Variants in ABCA10 observed in about 807,000 individuals in gnomAD.
ABCA10 encodes ATP binding cassette subfamily A member 10.
Under a neutral mutation model 187.5 loss-of-function variants are expected in ABCA10, and 169 were observed. That is an observed-to-expected ratio of 0.90 (90% CI 0.80 to 1.02). ABCA10 has a LOEUF of 1.02. Among genes scored for constraint, ABCA10 ranks in the 50% least tolerant of loss-of-function variants. The probability of loss-of-function intolerance (pLI) is 0.00; values close to 1 mark genes in which losing one functional copy is unlikely to be tolerated. For synonymous variants in ABCA10, 574 were observed against 601.8 expected (o/e 0.95, Z 0.68); for missense variants, 1,727 against 1,812.4 (o/e 0.95, Z 0.86).
intron 37 of ABCA10, 125 bp from the exon 38 acceptor site, chr17:69,149,213 T>G: frequency 9.8e-7 from 1 of 1,016,168 alleles, no homozygotes; most frequent in Non-Finnish European, 1.5e-6. Flanking sequence ...AATAATTACA[T>G]TTTCTTGAAG....
chr17:69,172,321 AAT>A (rs1202958238), intron 25 of ABCA10, among the ~76,000 whole-genome samples: 3 of 152,180 alleles, frequency 2.0e-5, no homozygotes, highest in Non-Finnish European at 2.9e-5. Flanking sequence ...TATATTTAGA[AAT>A]AGTCTCTAAA....
intron 6 of ABCA10, among the ~76,000 whole-genome samples, chr17:69,219,137 C>A (rs901468244): frequency 1.3e-5 from 2 of 152,134 alleles, no homozygotes; most frequent in African/African-American, 4.8e-5. Flanking sequence ...GGCCAGCTAG[C>A]CTACTGGCCC....
At chr17:69,155,624 G>T (rs542320025) in intron 29 of ABCA10, among the ~76,000 whole-genome samples, 181 bp downstream of exon 29, 2 of 152,164 alleles carry the variant, frequency 1.3e-5, no homozygotes, top group South Asian at 4.1e-4. Context: ...AACTGAAGAA[G>T]AAAAAATTAA....
rs190914254 is a variant in ABCA10 at position 69,183,931 on chromosome 17, G to A, written c.2498-1123C>T. ...CATGGCAGGGGGAAGGCACATAACC[G>A]GAGAGCCCTGCTTGCTTTCTCAAAG... On this transcript the variant is annotated intron_variant, in intron 20 of 38. Coordinates refer to ENST00000690296, the MANE Select transcript of ABCA10 (RefSeq NM_001377321.1). Among the ~76,000 whole-genome samples the A allele has an allele frequency of 9.9e-5, 15 of 152,270 alleles. No individual in the cohort carries two copies. The East Asian group carries it at 2.1e-3, about 22-fold the overall frequency.
intron 19 of ABCA10, among the ~76,000 whole-genome samples, chr17:69,187,231 G>C (rs2074428568): frequency 6.6e-6 from 1 of 152,114 alleles, no homozygotes; most frequent in African/African-American, 2.4e-5. Context: ...CGACTTCACA[G>C]CCTGAATTTC....
chr17:69,170,894 T>C (rs1007697715), intron 25 of ABCA10, among the ~76,000 whole-genome samples: 2 of 152,198 alleles, frequency 1.3e-5, no homozygotes, highest in Non-Finnish European at 2.9e-5. Context: ...ATGATTTGGG[T>C]TCTCTTTAAA....
Position 69,210,853 on chromosome 17 carries a change from T to TATATATATATATAC in ABCA10, c.1006+3850_1006+3851insGTATATATATATAT, listed in dbSNP as rs2074641288. Among the ~76,000 whole-genome samples, 4 of 144,262 alleles carry TATATATATATATAC rather than the reference T, an allele frequency of 2.8e-5. 1 individual carries two copies. Among genetic ancestry groups the TATATATATATATAC allele is most frequent in the African/African-American group, 1.1e-4 (4 of 36,364 alleles). The allele number at this position is 144,262 out of a possible 152,430, so 94.6% of individuals were successfully genotyped here. A position where few individuals can be genotyped will look rare whatever the true frequency, so the allele number is the denominator to read the frequency against. On this transcript the variant is annotated intron_variant, in intron 9 of 38. Coordinates refer to ENST00000690296, the MANE Select transcript of ABCA10 (RefSeq NM_001377321.1). ...ATGCCACATATTTATGCCACATATA[T>TATATATATATATAC]ATATATATATATGCCATATTTCCTT...
At chr17:69,239,438 T>TA (rs1233506689) in intron 1 of ABCA10, among the ~76,000 whole-genome samples, 1 of 152,232 alleles carries the variant, frequency 6.6e-6, no homozygotes, top group Non-Finnish European at 1.5e-5. Context: ...AGGGGCCTGT[T>TA]ATCATGTGTT....
intron 37 of ABCA10, 101 bp downstream of exon 37, chr17:69,149,883 A>T: frequency 1.1e-6 from 1 of 913,732 alleles, no homozygotes; most frequent in Non-Finnish European, 1.6e-6. Flanking sequence ...TCAAGTTTTG[A>T]TTGATTATTT....
chr17:69,231,380 T>A (rs753860392), upstream of ABCA10, among the ~76,000 whole-genome samples: 9 of 152,210 alleles, frequency 5.9e-5, no homozygotes, highest in Non-Finnish European at 1.0e-4. Context: ...GAGATCTTTC[T>A]ACTTTTTTGA....
intron 1 of ABCA10, chr17:69,234,733 G>A (rs2074854911): frequency 6.6e-6 from 1 of 152,156 alleles, no homozygotes; most frequent in Non-Finnish European, 1.5e-5. Flanking sequence ...TAATTTTGAT[G>A]CTGCTGGTCA....
chr17:69,172,404 G>C (rs1048644034), intron 25 of ABCA10, among the ~76,000 whole-genome samples: 2 of 152,104 alleles, frequency 1.3e-5, no homozygotes, highest in African/African-American at 4.8e-5. Context: ...CTTATAAGAA[G>C]GGGAGATTAG....
At chr17:69,182,029 G>T in intron 22 of ABCA10, 124 bp downstream of exon 22, 1 of 967,908 alleles carries the variant, frequency 1.0e-6, no homozygotes, top group Non-Finnish European at 1.4e-6. Flanking sequence ...AAGGCAAGGA[G>T]TAGCTAAGAA....
intron 3 of ABCA10, chr17:69,223,690 G>GCTAA (rs1358456819): frequency 4.5e-6 from 2 of 444,206 alleles, no homozygotes; most frequent in Non-Finnish European, 9.0e-6. Flanking sequence ...TGAGGACAGT[G>GCTAA]CTAACATCAC....
At chr17:69,193,373 G>C (rs2074475683) in intron 14 of ABCA10, 120 bp downstream of exon 14, 18 of 1,503,642 alleles carry the variant, frequency 1.2e-5, no homozygotes, top group Non-Finnish European at 1.5e-5. Context: ...TAACAAGCTT[G>C]CATGGTACTT....
intron 36 of ABCA10, among the ~76,000 whole-genome samples, chr17:69,150,910 C>T (rs1330864139): frequency 6.6e-6 from 1 of 152,174 alleles, no homozygotes; most frequent in African/African-American, 2.4e-5. Context: ...TGTGGTGGTA[C>T]TGTCCACACA....
intron 22 of ABCA10, 33 bp from the exon 23 acceptor site, chr17:69,175,546 C>T (rs746260417): frequency 6.7e-7 from 1 of 1,488,558 alleles, no homozygotes; most frequent in Non-Finnish European, 9.2e-7. Context: ...TAAGCTGTTG[C>T]AATTGTTACA....
At chr17:69,169,202 G>A (rs2074277277) in intron 25 of ABCA10, among the ~76,000 whole-genome samples, 1 of 152,058 alleles carries the variant, frequency 6.6e-6, no homozygotes, top group Admixed American at 6.5e-5. Context: ...ATTTCTTATA[G>A]CTACTAAGTG....
chr17:69,149,753 T>C (rs553923122), intron 37 of ABCA10, among the ~76,000 whole-genome samples: 82 of 152,268 alleles, frequency 5.4e-4, no homozygotes, highest in African/African-American at 1.9e-3. Flanking sequence ...TAGAGTAACC[T>C]GACTGACTTG....
Sources: gnomAD v4.1 joint callset for allele counts (sites outside exome capture counted in the v4.1 genomes callset) on GRCh38, gnomAD v4.1.1 for gene constraint, MANE v1.5 for transcripts, NCBI Gene and HGNC (gene_info 2026-07-23, HGNC 2026-07-21) for gene names.